PTPRG: variants seen among roughly 807,000 people sequenced by gnomAD.
The protein encoded by PTPRG is protein tyrosine phosphatase receptor type G.
A neutral mutation model predicts 165.3 loss-of-function variants in PTPRG; 102 were observed. That is an observed-to-expected ratio of 0.62 (90% confidence interval 0.53 to 0.73). PTPRG has a LOEUF of 0.73. Ranked by LOEUF, PTPRG falls within the 30% of genes least tolerant of loss-of-function variation. PTPRG has a pLI of 0.00. For synonymous variants in PTPRG, 675 were observed against 669.5 expected (o/e 1.01, Z -0.13); for missense variants, 1,866 against 1,861.4 (o/e 1.00, Z -0.05).
intron 4 of PTPRG, among the ~76,000 whole-genome samples, chr3:62,071,445 C>A (rs1701207126): frequency 6.6e-6 from 1 of 152,168 alleles, no homozygotes; most frequent in African/African-American, 2.4e-5. Flanking sequence ...GGAAATGCCC[C>A]CTCCTGCCCA....
chr3:61,962,515 C>G (rs1024348548), intron 2 of PTPRG, among the ~76,000 whole-genome samples: 6 of 151,954 alleles, frequency 3.9e-5, no homozygotes, highest in Admixed American at 3.9e-4. Context: ...AAAACTGTTC[C>G]TTTGAGTTCC....
chr3:62,103,418 A>C (rs887757516), intron 5 of PTPRG, among the ~76,000 whole-genome samples: 3 of 152,250 alleles, frequency 2.0e-5, no homozygotes, highest in African/African-American at 7.2e-5. Context: ...GAATAAACTA[A>C]GAGCAAAATA....
At chr3:61,646,874 C>T (rs752952149) in intron 1 of PTPRG, among the ~76,000 whole-genome samples, 9 of 152,280 alleles carry the variant, frequency 5.9e-5, no homozygotes, top group South Asian at 4.1e-4. Context: ...GGAAATCATA[C>T]GGTACATAAC....
At chr3:62,179,265 T>G (rs6769925) in intron 8 of PTPRG, among the ~76,000 whole-genome samples, 25,815 of 152,124 alleles carry the variant, frequency 0.17, 2,988 homozygotes, top group East Asian at 0.35. Context: ...CTTTTCTTAT[T>G]CCTTCTCAGC....
chr3:62,088,962 T>C (rs1701841393), intron 5 of PTPRG, among the ~76,000 whole-genome samples: 1 of 152,202 alleles, frequency 6.6e-6, no homozygotes, highest in Non-Finnish European at 1.5e-5. Context: ...TTATTAACCA[T>C]CTTTAACTGT....
chr3:62,200,808 G>T (rs1700080852), intron 10 of PTPRG, among the ~76,000 whole-genome samples: 1 of 152,082 alleles, frequency 6.6e-6, no homozygotes, highest in South Asian at 2.1e-4. Context: ...GTACACAAAA[G>T]GTAAGGTGGG....
chr3:62,069,276 C>T (rs1419489365), intron 4 of PTPRG, among the ~76,000 whole-genome samples: 1 of 152,176 alleles, frequency 6.6e-6, no homozygotes, highest in African/African-American at 2.4e-5. Flanking sequence ...CAGAAGGGGA[C>T]ACTGGGCCTT....
intron 2 of PTPRG, among the ~76,000 whole-genome samples, chr3:61,896,926 T>C (rs569360453): frequency 6.7e-6 from 1 of 149,128 alleles, no homozygotes; most frequent in Admixed American, 6.6e-5. Context: ...TTTTTCCTTC[T>C]TACTATTAAA....
At chr3:62,264,386 C>T (rs569291261) in intron 17 of PTPRG, among the ~76,000 whole-genome samples, 58 of 152,152 alleles carry the variant, frequency 3.8e-4, no homozygotes, top group African/African-American at 1.4e-3. Context: ...CGATCATCAC[C>T]ACAATCTAAT....
intron 5 of PTPRG, among the ~76,000 whole-genome samples, chr3:62,127,548 G>A (rs1442199225): frequency 2.0e-5 from 3 of 152,132 alleles, no homozygotes; most frequent in African/African-American, 7.2e-5. Flanking sequence ...CATGGTTAAC[G>A]GTATAGCCAT....
chr3:62,147,680 G>A (rs934911916), intron 6 of PTPRG, among the ~76,000 whole-genome samples: 1 of 152,176 alleles, frequency 6.6e-6, no homozygotes, highest in Non-Finnish European at 1.5e-5. Context: ...AATAGCTACT[G>A]TGCTTGTTTG....
chr3:62,144,371 A>C (rs1428060007), intron 6 of PTPRG, among the ~76,000 whole-genome samples: 6 of 152,210 alleles, frequency 3.9e-5, no homozygotes, highest in Admixed American at 1.3e-4. Context: ...CAAGATCATC[A>C]CATGTTTCAA....
At chr3:62,111,728 C>T (rs745363103) in intron 5 of PTPRG, among the ~76,000 whole-genome samples, 4 of 152,114 alleles carry the variant, frequency 2.6e-5, no homozygotes, top group African/African-American at 7.2e-5. Flanking sequence ...GGATTATAGG[C>T]GTGAGCCACC....
intron 20 of PTPRG, among the ~76,000 whole-genome samples, chr3:62,269,525 T>C (rs900975819): frequency 2.6e-5 from 4 of 152,172 alleles, no homozygotes; most frequent in Non-Finnish European, 1.5e-5. Flanking sequence ...TCCCAAAGTA[T>C]GTTCCAAGGA....
chr3:62,282,161 A>C (rs1702473862), intron 27 of PTPRG, among the ~76,000 whole-genome samples: 1 of 152,038 alleles, frequency 6.6e-6, no homozygotes, highest in Non-Finnish European at 1.5e-5. Context: ...AAGAAAATAG[A>C]GTAGGATATA....
At position 62,229,333 on chromosome 3, in the gene PTPRG, T is replaced by C. The variant is rs1700840591; in HGVS notation, c.2289-1892T>C. ...CAGGCAACTTTTTGCTCAATAACTG[T>C]TTCCCAAATGGCTACTCAGGGGCCT... On this transcript the variant is annotated intron_variant, in intron 13 of 29. Transcript: ENST00000474889. The surrounding 1 kb of genome is among the most constrained non-coding windows in gnomAD (Gnocchi z 4.6). Among the ~76,000 whole-genome samples the C allele has an allele frequency of 6.6e-6, 1 of 152,186 alleles. No homozygotes were observed. The highest frequency in any genetic ancestry group is 2.4e-5 in the African/African-American group (1 of 41,448).
At chr3:61,837,407 C>A (rs181519122) in intron 2 of PTPRG, among the ~76,000 whole-genome samples, 8 of 152,282 alleles carry the variant, frequency 5.3e-5, no homozygotes, top group Non-Finnish European at 1.0e-4. Flanking sequence ...AGTAATATCT[C>A]CTAAAATGTG....
rs1703059036 is a variant in PTPRG, at chr3:62,296,266, T to G, written c.*2959T>G. On this transcript the variant is annotated 3_prime_UTR_variant, in exon 30 of 30. Coordinates refer to ENST00000474889, the MANE Select transcript of PTPRG (RefSeq NM_002841.4). The stretch of plus-strand genomic sequence containing the variant: ...TATGCCTTTAGAGTTTTTAGTCTAT[T>G]CAAGTAGAAGAGTCCAGCGAGGCCA... The G allele has an allele frequency of 6.6e-6, 1 of 151,960 alleles. No individual in the cohort carries two copies. Among genetic ancestry groups the G allele is most frequent in the African/African-American group, 2.4e-5 (1 of 41,398 alleles). The allele number at this position is 151,960 out of a possible 1,614,324, so 9.4% of individuals were successfully genotyped here. A position where few individuals can be genotyped will look rare whatever the true frequency, so the allele number is the denominator to read the frequency against.
At position 62,203,262 on chromosome 3, in the gene PTPRG, TG is replaced by T; in HGVS notation, c.1468del (p.Val490PhefsTer64). On this transcript the variant is annotated frameshift_variant, in exon 12 of 30. Transcript: ENST00000474889. LOFTEE classifies it high-confidence loss of function. This position sits in a 1 kb window ranked among gnomAD's most constrained non-coding sequence, Gnocchi z 6.4. Reference sequence around the variant, plus strand: ...CGTCCTCTGGCATCCCATTCTCATTTGTTTCCATGGCAACTGGGATGGGCCC... The same window carrying T: ...CGTCCTCTGGCATCCCATTCTCATTTTTTCCATGGCAACTGGGATGGGCCC... ...WTSSGIPFSF[V>X]SMATGMGPSS... 1.9e-6 allele frequency: 3 copies of T among 1,614,092 alleles called. No individual in the cohort carries two copies. Among genetic ancestry groups the T allele is most frequent in the Non-Finnish European group, 2.5e-6 (3 of 1,180,002 alleles).
Sources: gnomAD v4.1 joint callset for allele counts (sites outside exome capture counted in the v4.1 genomes callset) on GRCh38, gnomAD v4.1.1 for gene constraint, Gnocchi (gnomAD v3.1) non-coding constraint, MANE v1.5 for transcripts, NCBI Gene and HGNC (gene_info 2026-07-23, HGNC 2026-07-21) for gene names.